The following HS6ST3 variants were observed in gnomAD, a reference collection of about 807,000 sequenced individuals.
HS6ST3 encodes the protein heparan sulfate 6-O-sulfotransferase 3.
HS6ST3 carries 12 observed loss-of-function variants against 36.7 expected under a neutral mutation model. That is an observed-to-expected ratio of 0.33 (90% confidence interval 0.21 to 0.53). The LOEUF is 0.53. Among genes scored for constraint, HS6ST3 ranks in the 20% least tolerant of loss-of-function variants. The pLI, the probability that HS6ST3 is intolerant of heterozygous loss-of-function variation, is 0.95. For synonymous variants in HS6ST3, 240 were observed against 257.5 expected (o/e 0.93, Z 0.65); for missense variants, 584 against 640.9 (o/e 0.91, Z 0.96).
intron 1 of HS6ST3, among the ~76,000 whole-genome samples, chr13:96,692,246 C>A (rs1874984399): frequency 6.6e-6 from 1 of 151,972 alleles, no homozygotes; most frequent in Admixed American, 6.6e-5. Context: ...CCTCAGATAC[C>A]AAAATCCATG....
At chr13:96,115,383 C>G (rs1291498801) in intron 1 of HS6ST3, among the ~76,000 whole-genome samples, 4 of 152,078 alleles carry the variant, frequency 2.6e-5, no homozygotes, top group Non-Finnish European at 5.9e-5. Flanking sequence ...GACCCATTCT[C>G]TAAGTTTCCT....
chr13:96,345,413 G>T (rs1265142854), intron 1 of HS6ST3, among the ~76,000 whole-genome samples: 7 of 152,046 alleles, frequency 4.6e-5, no homozygotes, highest in Non-Finnish European at 1.5e-5. Context: ...TATATCTAGT[G>T]CCCGGTATTA....
At chr13:96,198,275 C>G (rs998004365) in intron 1 of HS6ST3, among the ~76,000 whole-genome samples, 3 of 152,152 alleles carry the variant, frequency 2.0e-5, no homozygotes, top group Non-Finnish European at 4.4e-5. Context: ...TCCTGGGCCT[C>G]TGGGCCTGTG....
intron 1 of HS6ST3, among the ~76,000 whole-genome samples, chr13:96,822,572 G>A (rs767825484): frequency 6.6e-6 from 1 of 152,172 alleles, no homozygotes; most frequent in Admixed American, 6.5e-5. Context: ...AGGCAGCGAC[G>A]TGACAAGATT....
chr13:96,128,058 G>C lies in HS6ST3; in HGVS notation c.707+36489G>C, dbSNP rs140704522. Among the ~76,000 whole-genome samples the C allele has an allele frequency of 6.6e-5, 10 of 152,266 alleles. No individual in the cohort carries two copies. In the South Asian group the frequency reaches 2.1e-3, roughly 32 times the overall value. ...GGGAATCTGTATTGTCAAAGGCTTC[G>C]TGAATTGCTTCTGTTGTACACTTAT... On this transcript the variant is annotated intron_variant, in intron 1 of 1. Coordinates refer to ENST00000376705, the MANE Select transcript of HS6ST3 (RefSeq NM_153456.4).
Position 96,654,641 on chromosome 13 carries a change from G to A in HS6ST3, c.708-177849G>A, listed in dbSNP as rs111892247. ...GTAGTACAGTTTGAAGTCAGGTAGC[G>A]TGATGCCTCCAGCTTTGTTCTTGTG... On this transcript the variant is annotated intron_variant, in intron 1 of 1. Coordinates refer to ENST00000376705, the MANE Select transcript of HS6ST3 (RefSeq NM_153456.4). 4.8e-4 allele frequency among the ~76,000 whole-genome samples: 73 copies of A among 152,182 alleles called. 1 individual carries two copies. The East Asian group carries it at 0.011, about 23-fold the overall frequency.
Position 96,682,505 on chromosome 13 carries a change from A to G in HS6ST3, c.708-149985A>G, listed in dbSNP as rs111738407. Among the ~76,000 whole-genome samples the G allele has an allele frequency of 5.9e-4, 90 of 152,246 alleles. 1 individual carries two copies. Among genetic ancestry groups the G allele is most frequent in the African/African-American group, 2.1e-3 (86 of 41,564 alleles). ...GGAGCTCTGGCTGTAAATTGGGCAA[A>G]TGTAAGAGAATGATTTTGACTCCAA... On this transcript the variant is annotated intron_variant, in intron 1 of 1. Coordinates refer to ENST00000376705, the MANE Select transcript of HS6ST3 (RefSeq NM_153456.4).
intron 1 of HS6ST3, among the ~76,000 whole-genome samples, chr13:96,477,496 C>T (rs1457747543): frequency 6.6e-6 from 1 of 152,146 alleles, no homozygotes; most frequent in Non-Finnish European, 1.5e-5. Flanking sequence ...TCCATGCCTG[C>T]CCTACACCTT....
At chr13:96,532,233 A>G (rs1050794020) in intron 1 of HS6ST3, among the ~76,000 whole-genome samples, 1 of 152,214 alleles carries the variant, frequency 6.6e-6, no homozygotes, top group Non-Finnish European at 1.5e-5. Flanking sequence ...ACGGGCATCT[A>G]AAAAGAGAGA....
chr13:96,152,514 C>T (rs993468444), intron 1 of HS6ST3, among the ~76,000 whole-genome samples: 1 of 151,704 alleles, frequency 6.6e-6, no homozygotes. Flanking sequence ...ATTTTTTGTA[C>T]TTTTAGTAGA....
chr13:96,521,768 GTCTA>G (rs1292794094), intron 1 of HS6ST3, among the ~76,000 whole-genome samples: 9 of 152,024 alleles, frequency 5.9e-5, no homozygotes, highest in African/African-American at 2.2e-4. Flanking sequence ...TTAGTTAGCA[GTCTA>G]TCTATTTTGT....
At chr13:96,311,377 G>T (rs138511707) in intron 1 of HS6ST3, among the ~76,000 whole-genome samples, 1 of 152,116 alleles carries the variant, frequency 6.6e-6, no homozygotes, top group Non-Finnish European at 1.5e-5. Context: ...TTAACAAAAT[G>T]CATGAAATTT....
At chr13:96,338,695 C>T (rs1278622127) in intron 1 of HS6ST3, among the ~76,000 whole-genome samples, 1 of 152,130 alleles carries the variant, frequency 6.6e-6, no homozygotes, top group Non-Finnish European at 1.5e-5. Flanking sequence ...GTCAGCCCTC[C>T]CCTCTTGTGT....
At chr13:96,596,497 C>T (rs1003422967) in intron 1 of HS6ST3, among the ~76,000 whole-genome samples, 2 of 152,058 alleles carry the variant, frequency 1.3e-5, no homozygotes, top group South Asian at 2.1e-4. Context: ...ATTGTTGGAT[C>T]AAATGGTGTA....
intron 1 of HS6ST3, among the ~76,000 whole-genome samples, chr13:96,305,712 T>A (rs2054908850): frequency 1.3e-5 from 2 of 152,194 alleles, no homozygotes; most frequent in African/African-American, 4.8e-5. Context: ...TTACTGCAAT[T>A]TACATGTGTC....
chr13:96,147,102 C>G (rs1415634992), intron 1 of HS6ST3, among the ~76,000 whole-genome samples: 1 of 152,182 alleles, frequency 6.6e-6, no homozygotes, highest in Non-Finnish European at 1.5e-5. Context: ...TTCTGTACTT[C>G]CACACATTTT....
chr13:96,262,525 GATGAA>G (rs140067797), intron 1 of HS6ST3, among the ~76,000 whole-genome samples: 8,181 of 152,184 alleles, frequency 0.054, 306 homozygotes, highest in Admixed American at 0.13. Flanking sequence ...TTTTTGACTT[GATGAA>G]ATGAAAAATC....
At chr13:96,183,400 G>T (rs1185890781) in intron 1 of HS6ST3, among the ~76,000 whole-genome samples, 1 of 152,110 alleles carries the variant, frequency 6.6e-6, no homozygotes, top group Non-Finnish European at 1.5e-5. Context: ...GTGCCTTAGG[G>T]GAAATTGCTG....
intron 1 of HS6ST3, among the ~76,000 whole-genome samples, chr13:96,597,410 G>T (rs943188242): frequency 1.9e-4 from 29 of 150,380 alleles, no homozygotes; most frequent in Non-Finnish European, 3.3e-4. Context: ...GTTTTAATTT[G>T]CATTTTCCTG....
Sources: allele counts gnomAD v4.1 joint callset (sites outside exome capture counted in the v4.1 genomes callset), GRCh38; gene constraint gnomAD v4.1.1; transcripts MANE v1.5; gene names NCBI Gene and HGNC (gene_info 2026-07-23, HGNC 2026-07-21).